The following DAB2IP variants were observed in gnomAD, a reference collection of about 807,000 sequenced individuals.
DAB2IP encodes disabled homolog 2-interacting protein.
DAB2IP carries 28 observed loss-of-function variants against 107.2 expected under a neutral mutation model. The ratio of observed to expected loss-of-function variants is 0.26; its 90% CI spans 0.19 to 0.36. The LOEUF is 0.36. Among genes scored for constraint, DAB2IP ranks in the 10% least tolerant of loss-of-function variants. DAB2IP has a pLI of 1.00. For missense variants in DAB2IP, 1,400 were observed against 1,644.7 expected, an observed-to-expected ratio of 0.85 and a Z score of 2.57; for synonymous variants, 755 against 706.4, an observed-to-expected ratio of 1.07 and a Z score of -1.09.
chr9:121,641,982 T>TTCTCTCTC (rs1832331799), intron 1 of DAB2IP, among the ~76,000 whole-genome samples: 1 of 120,770 alleles, frequency 8.3e-6, no homozygotes, highest in African/African-American at 3.9e-5. Flanking sequence ...CTTTCTTTCT[T>TTCTCTCTC]TCTTTCTTTC....
intron 2 of DAB2IP, among the ~76,000 whole-genome samples, chr9:121,686,959 G>A (rs1174572022): frequency 6.6e-6 from 1 of 152,172 alleles, no homozygotes; most frequent in Non-Finnish European, 1.5e-5. Flanking sequence ...AGGGGCTGGA[G>A]GGGTTCCTAG....
chr9:121,583,360 C>T (rs1455949857), intron 1 of DAB2IP, among the ~76,000 whole-genome samples: 2 of 152,168 alleles, frequency 1.3e-5, no homozygotes, highest in Non-Finnish European at 2.9e-5. Flanking sequence ...CGCTGCACTC[C>T]AGCCTGGGCA....
At position 121,778,529 on chromosome 9, in the gene DAB2IP, G is replaced by A. The variant is rs1032920952; in HGVS notation, c.3314+2138G>A. On this transcript the variant is annotated intron_variant, in intron 14 of 15. Coordinates refer to ENST00000408936, the Ensembl canonical transcript of DAB2IP. ...GCCTTGTTTCCTATTTGTACCATCTGTTCTTTTTTTCCTGCCTTCTTTTGG... is the reference window on the plus strand; with the variant it reads ...GCCTTGTTTCCTATTTGTACCATCTATTCTTTTTTTCCTGCCTTCTTTTGG... Among the ~76,000 whole-genome samples, 3 of 152,090 alleles carry A rather than the reference G, an allele frequency of 2.0e-5. No individual in the cohort carries two copies. In the South Asian group the frequency reaches 6.2e-4, roughly 32 times the overall value.
chr9:121,740,597 A>G (rs1274038445), intron 3 of DAB2IP, among the ~76,000 whole-genome samples: 1 of 151,906 alleles, frequency 6.6e-6, no homozygotes, highest in Non-Finnish European at 1.5e-5. Context: ...TCTAACCCTC[A>G]CCCCCAACAA....
At position 121,634,759 on chromosome 9, in the gene DAB2IP, T is replaced by C. The variant is rs1431302710; in HGVS notation, c.41-43919T>C. ...TGGTCTAGCCTCTAAAGGAAGCAGA[T>C]GATAGCAATAGGAGAAGGCAGTGGA... On this transcript the variant is annotated intron_variant, in intron 1 of 16. Transcript: ENST00000259371. The surrounding 1 kb of genome is among the most constrained non-coding windows in gnomAD (Gnocchi z 4.7). Among the ~76,000 whole-genome samples, 2 of 152,044 alleles carry C rather than the reference T, an allele frequency of 1.3e-5. No homozygotes were observed. The highest frequency in any genetic ancestry group is 6.5e-5 in the Admixed American group (1 of 15,270).
intron 1 of DAB2IP, among the ~76,000 whole-genome samples, chr9:121,610,289 C>T (rs184344765): frequency 2.2e-4 from 33 of 152,268 alleles, no homozygotes; most frequent in African/African-American, 6.5e-4. Flanking sequence ...ACCCTGAGTA[C>T]GGTGCATGGC....
intron 1 of DAB2IP, among the ~76,000 whole-genome samples, chr9:121,627,369 A>T (rs76780782): frequency 0.026 from 3,744 of 146,434 alleles, 158 homozygotes; most frequent in African/African-American, 0.092. Context: ...CGTTGTTTAC[A>T]GTTTTGGTGC....
At chr9:121,628,290 T>C (rs1268211582) in intron 1 of DAB2IP, among the ~76,000 whole-genome samples, 1 of 152,156 alleles carries the variant, frequency 6.6e-6, no homozygotes, top group African/African-American at 2.4e-5. Context: ...CAGACTGGAT[T>C]AGGTGGGCCC....
chr9:121,595,993 C>T (rs1056625192), intron 1 of DAB2IP, among the ~76,000 whole-genome samples: 118 of 151,970 alleles, frequency 7.8e-4, no homozygotes, highest in African/African-American at 2.7e-3. Context: ...TTGAGACCAG[C>T]CTGGCCAACA....
rs188189973 is a variant in DAB2IP, at chr9:121,626,041, G to A, written c.41-52637G>A. Among the ~76,000 whole-genome samples the A allele has an allele frequency of 2.7e-3, 406 of 152,300 alleles. 5 individuals carry two copies. The highest frequency in any genetic ancestry group is 9.0e-3 in the African/African-American group (376 of 41,574). ...TGGGCTACAGGGCTGGGGCACACGT[G>A]GGGTATGGGCCCTGGGAGCCCCCTC... On this transcript the variant is annotated intron_variant, in intron 1 of 16. Transcript: ENST00000259371.
intron 1 of DAB2IP, among the ~76,000 whole-genome samples, chr9:121,603,868 G>T (rs1237901672): frequency 1.3e-5 from 2 of 152,134 alleles, no homozygotes; most frequent in African/African-American, 4.8e-5. Flanking sequence ...TGGGCTCAGG[G>T]CATGGGTGAG....
intron 13 of DAB2IP, among the ~76,000 whole-genome samples, chr9:121,775,368 C>G (rs1835125651): frequency 6.6e-6 from 1 of 152,226 alleles, no homozygotes; most frequent in African/African-American, 2.4e-5. Context: ...GCTACATCCA[C>G]CTGCTTTCAC....
intron 1 of DAB2IP, among the ~76,000 whole-genome samples, chr9:121,614,541 A>G (rs1006145939): frequency 4.0e-5 from 6 of 150,618 alleles, no homozygotes; most frequent in African/African-American, 1.2e-4. Context: ...GGGTTTCACT[A>G]TGTTGGCCAT....
At chr9:121,757,210 C>T (rs1325872567) in intron 4 of DAB2IP, 44 bp downstream of exon 4, 4 of 1,594,928 alleles carry the variant, frequency 2.5e-6, no homozygotes, top group Admixed American at 3.5e-5. Context: ...CCATCCTCTC[C>T]TGGCCTGGCT....
chr9:121,602,604 C>T (rs1830722542), intron 1 of DAB2IP, among the ~76,000 whole-genome samples: 1 of 147,468 alleles, frequency 6.8e-6, no homozygotes, highest in East Asian at 2.0e-4. Context: ...GAGATGGAGT[C>T]TCCCTCTGTC....
chr9:121,746,917 G>A (rs948028955), intron 3 of DAB2IP, among the ~76,000 whole-genome samples: 1 of 152,196 alleles, frequency 6.6e-6, no homozygotes, highest in African/African-American at 2.4e-5. Flanking sequence ...TGATGCATGG[G>A]TGTGTTCACA....
In DAB2IP at chr9:121,620,750, T is replaced by C. The variant is rs374393669; in HGVS notation, c.40+53522T>C. Among the ~76,000 whole-genome samples the C allele has an allele frequency of 7.6e-4, 115 of 152,288 alleles. 1 individual carries two copies. Among genetic ancestry groups the C allele is most frequent in the African/African-American group, 2.6e-3 (110 of 41,554 alleles). ...ATTGAGACTTCTCTGTTGACACCGC[T>C]TGACCCTCTGAGGTCCTAACCCGGG... On this transcript the variant is annotated intron_variant, in intron 1 of 16. Transcript: ENST00000259371.
At chr9:121,728,549 G>C (rs1225795072) in intron 3 of DAB2IP, among the ~76,000 whole-genome samples, 2 of 152,152 alleles carry the variant, frequency 1.3e-5, no homozygotes, top group East Asian at 3.9e-4. Context: ...ATGCTACTGA[G>C]ATCCTGTTCT....
intron 1 of DAB2IP, among the ~76,000 whole-genome samples, chr9:121,600,095 C>T (rs955740367): frequency 3.9e-5 from 6 of 151,998 alleles, no homozygotes; most frequent in Non-Finnish European, 8.8e-5. Flanking sequence ...CTGGGGCCCG[C>T]GGGCGGCGGG....
Sources: allele counts gnomAD v4.1 joint callset (sites outside exome capture counted in the v4.1 genomes callset), GRCh38; gene constraint gnomAD v4.1.1; non-coding constraint Gnocchi (gnomAD v3.1); transcripts MANE v1.5; gene names NCBI Gene and HGNC (gene_info 2026-07-23, HGNC 2026-07-21).